The following PALLD variants were observed in gnomAD, a reference collection of about 807,000 sequenced individuals.
PALLD encodes palladin, cytoskeletal associated protein.
Under a neutral mutation model 123.5 loss-of-function variants are expected in PALLD, and 61 were observed. The ratio of observed to expected loss-of-function variants is 0.49; its 90% CI spans 0.40 to 0.61. The LOEUF (loss-of-function observed/expected upper bound fraction) is 0.61, where lower values mean the gene tolerates loss of function less well. PALLD is among the 20% of genes least tolerant of loss of function. The pLI is 0.00. For missense variants in PALLD, 1,273 were observed against 1,377.0 expected (o/e 0.92, Z 1.20); for synonymous variants, 465 against 496.4 (o/e 0.94, Z 0.84).
At chr4:168,625,842 C>T (rs929653260) in intron 2 of PALLD, among the ~76,000 whole-genome samples, 2 of 152,026 alleles carry the variant, frequency 1.3e-5, no homozygotes, top group African/African-American at 4.8e-5. Context: ...CAGCCACTAT[C>T]GAAATCAGTC....
chr4:168,590,158 C>T (rs1042154732), intron 2 of PALLD, among the ~76,000 whole-genome samples: 6 of 152,182 alleles, frequency 3.9e-5, no homozygotes, highest in Admixed American at 2.0e-4. Context: ...GCCAACATGG[C>T]GAAACCCCGT....
At chr4:168,741,347 T>TGTGTGTGTG (rs60613120) in intron 10 of PALLD, among the ~76,000 whole-genome samples, 7 of 132,018 alleles carry the variant, frequency 5.3e-5, no homozygotes, top group African/African-American at 1.8e-4. Context: ...TTTGTTTTTT[T>TGTGTGTGTG]TGTGTGTGTG....
rs774093526 is a variant in PALLD at position 168,914,002 on chromosome 4, G to A, written c.2698G>A (p.Gly900Ser). 6.2e-7 allele frequency: 1 copy of A among 1,607,316 alleles called. No homozygotes were observed. The highest frequency in any genetic ancestry group is 8.5e-7 in the Non-Finnish European group (1 of 1,173,918). Residue 900 changes from glycine to serine, a missense_variant, in exon 16 of 22, where the codon GGC becomes AGC. Physicochemically the swap from Gly to Ser is moderately conservative, Grantham distance 56 (BLOSUM62 0). Coordinates refer to ENST00000505667, the MANE Select transcript of PALLD (RefSeq NM_001166108.2). ...AGGTCGAAGTCCCCGGTCTCCCTCA[G>A]GCCATCCTCATGTCAGAAGGTATTT... Reference protein sequence around the residue: ...QRGRSPRSPSGHPHVRRPRSR... With the variant: ...QRGRSPRSPSSHPHVRRPRSR...
At chr4:168,702,891 T>TTTATTTATTTA (rs1783817155) in intron 8 of PALLD, among the ~76,000 whole-genome samples, 1 of 140,300 alleles carries the variant, frequency 7.1e-6, no homozygotes, top group African/African-American at 2.7e-5. Flanking sequence ...TATTTATTTA[T>TTTATTTATTTA]TTTATTTATT....
chr4:168,580,508 C>T (rs1369842396), intron 2 of PALLD, among the ~76,000 whole-genome samples: 1 of 152,004 alleles, frequency 6.6e-6, no homozygotes, highest in Non-Finnish European at 1.5e-5. Context: ...AAAGGAAATG[C>T]TTATACACTG....
chr4:168,562,162 T>G (rs1275237710), intron 2 of PALLD, among the ~76,000 whole-genome samples: 1 of 152,094 alleles, frequency 6.6e-6, no homozygotes, highest in Non-Finnish European at 1.5e-5. Flanking sequence ...TCTATCAAAT[T>G]ACCTTCCAGT....
chr4:168,822,094 A>G (rs28519427), intron 10 of PALLD, among the ~76,000 whole-genome samples: 4,258 of 152,126 alleles, frequency 0.028, 205 homozygotes, highest in African/African-American at 0.097. Context: ...CCTCCGCAGA[A>G]CACATGGGGA....
At chr4:168,547,665 C>T (rs1204954703) in intron 2 of PALLD, among the ~76,000 whole-genome samples, 1 of 150,948 alleles carries the variant, frequency 6.6e-6, no homozygotes, top group Non-Finnish European at 1.5e-5. Flanking sequence ...ACCTGGGAGG[C>T]GTGGCCAGGC....
intron 10 of PALLD, among the ~76,000 whole-genome samples, chr4:168,759,196 A>ATGT (rs1561490370): frequency 1.9e-4 from 7 of 37,058 alleles, no homozygotes; most frequent in Non-Finnish European, 3.0e-4. Context: ...AAAAAAAAAA[A>ATGT]AAAAAAATAT....
chr4:168,600,195 CGT>C (rs919260839), intron 2 of PALLD, among the ~76,000 whole-genome samples: 1 of 151,936 alleles, frequency 6.6e-6, no homozygotes, highest in Non-Finnish European at 1.5e-5. Flanking sequence ...AAACGGTGTG[CGT>C]GTGTGTGTAT....
intron 2 of PALLD, among the ~76,000 whole-genome samples, chr4:168,663,434 A>G (rs1198982843): frequency 1.3e-5 from 2 of 152,160 alleles, no homozygotes; most frequent in African/African-American, 4.8e-5. Context: ...TCTCAAGCAC[A>G]GGGGCTGTTT....
At chr4:168,721,428 T>C (rs1481600829) in intron 10 of PALLD, among the ~76,000 whole-genome samples, 1 of 152,000 alleles carries the variant, frequency 6.6e-6, no homozygotes, top group Non-Finnish European at 1.5e-5. Context: ...AAATGATATA[T>C]GTAACTTAAT....
intron 2 of PALLD, among the ~76,000 whole-genome samples, chr4:168,625,541 G>GAT (rs56680673): frequency 0.32 from 21,468 of 66,532 alleles, 1,972 homozygotes; most frequent in Admixed American, 0.35. Context: ...TAATATTCAG[G>GAT]ATATATATAT....
chr4:168,534,997 C>T (rs962995530), intron 2 of PALLD, among the ~76,000 whole-genome samples: 4 of 152,100 alleles, frequency 2.6e-5, no homozygotes, highest in African/African-American at 7.2e-5. Flanking sequence ...CATTTACAGA[C>T]CTTTTTTCTT....
chr4:168,787,650 A>G (rs1736934030), intron 10 of PALLD, among the ~76,000 whole-genome samples: 2 of 152,258 alleles, frequency 1.3e-5, no homozygotes, highest in East Asian at 1.9e-4. Flanking sequence ...CTCTTGGACA[A>G]TGCTGGTCTA....
intron 15 of PALLD, among the ~76,000 whole-genome samples, chr4:168,910,192 T>C (rs959650988): frequency 6.6e-6 from 1 of 151,462 alleles, no homozygotes; most frequent in Non-Finnish European, 1.5e-5. Flanking sequence ...ATGTGTGACC[T>C]TTCCAGAGTA....
intron 2 of PALLD, among the ~76,000 whole-genome samples, chr4:168,543,957 C>T (rs1431283831): frequency 6.6e-6 from 1 of 152,176 alleles, no homozygotes; most frequent in Admixed American, 6.5e-5. Flanking sequence ...GATGTACTCA[C>T]GTATATGCAT....
intron 2 of PALLD, among the ~76,000 whole-genome samples, chr4:168,612,808 G>A (rs145329352): frequency 6.6e-6 from 1 of 152,146 alleles, no homozygotes; most frequent in African/African-American, 2.4e-5. Context: ...CTTCTCCCAG[G>A]GTCCTGGAGG....
chr4:168,806,507 G>A (rs754738400), intron 10 of PALLD, among the ~76,000 whole-genome samples: 2 of 152,120 alleles, frequency 1.3e-5, no homozygotes, highest in African/African-American at 2.4e-5. Context: ...CCATGCAGCC[G>A]TGCTTCCTGT....
Sources: gnomAD v4.1 joint callset for allele counts (sites outside exome capture counted in the v4.1 genomes callset) on GRCh38, gnomAD v4.1.1 for gene constraint, MANE v1.5 for transcripts, NCBI Gene and HGNC (gene_info 2026-07-23, HGNC 2026-07-21) for gene names.